The following RYR2 variants were observed in gnomAD, a reference collection of about 807,000 sequenced individuals.
The protein encoded by RYR2 is cardiac muscle ryanodine receptor-calcium release channel.
A neutral mutation model predicts 601.1 loss-of-function variants in RYR2; 227 were observed. That is an observed-to-expected ratio of 0.38 (90% CI 0.34 to 0.42). The LOEUF is 0.42. Ranked by LOEUF, RYR2 falls within the 10% of genes least tolerant of loss-of-function variation. The probability of loss-of-function intolerance (pLI) is 1.00; values close to 1 mark genes in which losing one functional copy is unlikely to be tolerated. For missense variants in RYR2, 4,646 were observed against 6,156.5 expected, an observed-to-expected ratio of 0.75 and a Z score of 8.21; for synonymous variants, 2,223 against 2,175.1, an observed-to-expected ratio of 1.02 and a Z score of -0.61.
intron 84 of RYR2, 61 bp from the exon 85 acceptor site, chr1:237,770,746 C>T (rs576541691): frequency 1.0e-5 from 11 of 1,073,270 alleles, no homozygotes; most frequent in Admixed American, 2.0e-5. Flanking sequence ...GAGGTGGGGA[C>T]AGAAAGGGAG....
chr1:237,309,900 A>G lies in RYR2; in HGVS notation c.169-20978A>G, dbSNP rs1012633059. 6.6e-4 allele frequency among the ~76,000 whole-genome samples: 100 copies of G among 152,214 alleles called. No homozygotes were observed. The Middle Eastern group carries it at 0.01, about 16-fold the overall frequency. On this transcript the variant is annotated intron_variant, in intron 2 of 104. Transcript: ENST00000366574. Reference sequence around the variant, plus strand: ...AAGCCCCTCACTGCCCGGGGCCGGCAGTGCCAGCCAGCCACTCCGAGTGCG... The same window carrying G: ...AAGCCCCTCACTGCCCGGGGCCGGCGGTGCCAGCCAGCCACTCCGAGTGCG...
chr1:237,481,418 T>C (rs963559871), intron 17 of RYR2, among the ~76,000 whole-genome samples: 1 of 152,196 alleles, frequency 6.6e-6, no homozygotes, highest in East Asian at 1.9e-4. Flanking sequence ...ATTCAGTTTG[T>C]GATACACAAA....
intron 100 of RYR2, among the ~76,000 whole-genome samples, chr1:237,818,003 G>A (rs1439505567): frequency 3.3e-5 from 5 of 152,158 alleles, no homozygotes; most frequent in Non-Finnish European, 7.3e-5. Context: ...GAAGGAGAAT[G>A]TACGAGCAAA....
intron 10 of RYR2, among the ~76,000 whole-genome samples, chr1:237,402,980 T>C (rs1703521585): frequency 6.6e-6 from 1 of 152,216 alleles, no homozygotes; most frequent in Admixed American, 6.5e-5. Context: ...AATGATATTA[T>C]AGATGGTCTA....
At chr1:237,179,573 A>G (rs573706554) in intron 1 of RYR2, among the ~76,000 whole-genome samples, 3 of 152,180 alleles carry the variant, frequency 2.0e-5, no homozygotes, top group Admixed American at 1.3e-4. Context: ...GCGTTATTTC[A>G]TGTAATGCCC....
intron 37 of RYR2, 42 bp from the exon 38 acceptor site, chr1:237,617,244 G>A: frequency 1.3e-6 from 2 of 1,511,602 alleles, no homozygotes; most frequent in Non-Finnish European, 1.8e-6. Flanking sequence ...ATTATTAAAG[G>A]ATTTAGAAAT....
chr1:237,390,023 T>G (rs1702250624), intron 10 of RYR2, among the ~76,000 whole-genome samples: 1 of 152,120 alleles, frequency 6.6e-6, no homozygotes, highest in Non-Finnish European at 1.5e-5. Flanking sequence ...TGCTGATGTT[T>G]AGGATGTGGG....
At chr1:237,346,554 C>A (rs1013687847) in intron 3 of RYR2, among the ~76,000 whole-genome samples, 6 of 151,796 alleles carry the variant, frequency 4.0e-5, no homozygotes, top group Non-Finnish European at 7.4e-5. Context: ...ATTTCTAAAC[C>A]CTTTCCTTGT....
chr1:237,291,542 T>C (rs1692189590), intron 2 of RYR2, among the ~76,000 whole-genome samples: 1 of 152,174 alleles, frequency 6.6e-6, no homozygotes, highest in Admixed American at 6.6e-5. Flanking sequence ...AACCAAGATG[T>C]CCATCAGTAG....
chr1:237,431,498 T>G (rs1484290610), intron 12 of RYR2, among the ~76,000 whole-genome samples: 1 of 152,212 alleles, frequency 6.6e-6, no homozygotes, highest in Non-Finnish European at 1.5e-5. Context: ...TAACATATAC[T>G]ACTATATTCT....
At chr1:237,272,773 C>T (rs939418375) in intron 2 of RYR2, among the ~76,000 whole-genome samples, 2 of 151,742 alleles carry the variant, frequency 1.3e-5, no homozygotes, top group African/African-American at 4.8e-5. Flanking sequence ...GAGCAACATA[C>T]ATTCTTAACT....
intron 83 of RYR2, 40 bp from the exon 84 acceptor site, chr1:237,760,915 A>G (rs1332812599): frequency 7.7e-7 from 1 of 1,306,770 alleles, no homozygotes; most frequent in Non-Finnish European, 1.1e-6. Flanking sequence ...AAAATGTTCT[A>G]TTAGTCCTCT....
chr1:237,433,458 A>G (rs1016303867), intron 12 of RYR2, among the ~76,000 whole-genome samples: 1 of 152,132 alleles, frequency 6.6e-6, no homozygotes, highest in Non-Finnish European at 1.5e-5. Context: ...TGAACTTATA[A>G]TTATTGAAAC....
At chr1:237,354,617 A>G (rs534665112) in intron 3 of RYR2, among the ~76,000 whole-genome samples, 47 of 152,196 alleles carry the variant, frequency 3.1e-4, no homozygotes, top group African/African-American at 1.1e-3. Context: ...TGTGCTGGAC[A>G]TGCCTTTTTT....
intron 8 of RYR2, 88 bp from the exon 9 acceptor site, chr1:237,387,193 G>A (rs945770291): frequency 1.8e-6 from 2 of 1,132,390 alleles, no homozygotes; most frequent in East Asian, 2.3e-5. Context: ...AACCAAATCA[G>A]CAACGTTAAG....
At position 237,808,962 on chromosome 1, in the gene RYR2, A is replaced by G. The variant is rs1660964056; in HGVS notation, c.14360A>G (p.Asn4787Ser). 6.2e-7 allele frequency: 1 copy of G among 1,612,912 alleles called. No homozygotes were observed. The highest frequency in any genetic ancestry group is 1.7e-5 in the Admixed American group (1 of 59,994). The change falls in exon 100 of 105, where the codon AAT (asparagine) becomes AGT (serine). Residue 4787 changes from asparagine to serine, a missense_variant. Physicochemically the swap from Asn to Ser is conservative, Grantham distance 46. Around this residue, in one of 17 missense-constraint regions of RYR2, gnomAD observed 21 missense variants for 24.8 expected, o/e 0.85. Coordinates refer to ENST00000366574, the MANE Select transcript of RYR2 (RefSeq NM_001035.3). ...TACCTATACACTGTGGTGGCATTCA[A>G]TTTTTTCCGAAAATTCTACAATAAA... ...VVYLYTVVAF[N>S]FFRKFYNKSE...
In RYR2 at chr1:237,456,812, C is replaced by T. The variant is rs552696794; in HGVS notation, c.1612+77C>T. ...CATAAATGGACTAGGTGTGATGGCT[C>T]ATGCCTGTAATTCCAGCAATTTGGG... On this transcript the variant is annotated intron_variant, in intron 16 of 104. Transcript: ENST00000366574. 4.4e-4 allele frequency: 640 copies of T among 1,456,582 alleles called. 12 individuals carry two copies. In the South Asian group the frequency reaches 9.0e-3, roughly 21 times the overall value. 90.2% of individuals were successfully genotyped at this position (1,456,582 alleles called of 1,614,324 possible).
intron 51 of RYR2, among the ~76,000 whole-genome samples, chr1:237,652,132 TC>T (rs1302400464): frequency 2.6e-5 from 4 of 152,164 alleles, no homozygotes; most frequent in African/African-American, 4.8e-5. Flanking sequence ...ATTAGAAACC[TC>T]GAGAGATAAA....
chr1:237,439,340 T>C (rs2998401), intron 12 of RYR2, among the ~76,000 whole-genome samples: 109,627 of 152,124 alleles, frequency 0.72, 39,853 homozygotes, highest in East Asian at 0.8. Flanking sequence ...TCAAGGGTCA[T>C]AGTAATTATT....
Sources: allele counts gnomAD v4.1 joint callset (sites outside exome capture counted in the v4.1 genomes callset), GRCh38; gene constraint gnomAD v4.1.1; regional missense constraint gnomAD v4.1.1; transcripts MANE v1.5; gene names NCBI Gene and HGNC (gene_info 2026-07-23, HGNC 2026-07-21).